Variants in GUCY2F observed in about 807,000 individuals in gnomAD.
GUCY2F encodes the protein retinal guanylyl cyclase 2.
Under a neutral mutation model 73.1 loss-of-function variants are expected in GUCY2F, and 61 were observed. The observed-to-expected ratio is 0.83, with a 90% CI of 0.68 to 1.03. The LOEUF (loss-of-function observed/expected upper bound fraction) is 1.03, where lower values mean the gene tolerates loss of function less well. GUCY2F is among the 50% of genes least tolerant of loss of function. The probability of loss-of-function intolerance (pLI) is 0.00; values close to 1 mark genes in which losing one functional copy is unlikely to be tolerated. For synonymous variants in GUCY2F, 331 were observed against 307.8 expected, an observed-to-expected ratio of 1.08 and a Z score of -0.79; for missense variants, 912 against 854.3, an observed-to-expected ratio of 1.07 and a Z score of -0.84.
intron 8 of GUCY2F, among the ~76,000 whole-genome samples, chrX:109,415,058 G>A (rs1290113089): frequency 9.1e-6 from 1 of 109,913 alleles, no homozygotes; most frequent in African/African-American, 3.3e-5. Flanking sequence ...CACCATTCCT[G>A]ATGCTACAGC....
intron 16 of GUCY2F, among the ~76,000 whole-genome samples, 155 bp from the exon 17 acceptor site, chrX:109,382,367 C>T (rs1030151229): frequency 1.2e-4 from 13 of 112,219 alleles, no homozygotes; most frequent in African/African-American, 4.2e-4. Flanking sequence ...GAGGAGGAGA[C>T]GGAGTGATGG....
chrX:109,403,713 C>T (rs183631208), intron 10 of GUCY2F, among the ~76,000 whole-genome samples: 80 of 112,282 alleles, frequency 7.1e-4, no homozygotes, highest in African/African-American at 2.5e-3. Context: ...CAAGGACCAC[C>T]CTGGTCTATG....
intron 7 of GUCY2F, among the ~76,000 whole-genome samples, chrX:109,435,810 C>T (rs1437846846): frequency 3.6e-5 from 4 of 111,357 alleles, no homozygotes; most frequent in African/African-American, 1.3e-4. Flanking sequence ...CCATCAATAC[C>T]TAATTTATGG....
intron 8 of GUCY2F, among the ~76,000 whole-genome samples, chrX:109,419,066 T>G (rs1383713133): frequency 1.8e-5 from 2 of 110,470 alleles, no homozygotes; most frequent in Non-Finnish European, 1.9e-5. Flanking sequence ...GAGCCCTATA[T>G]TTAGCAAAGA....
chrX:109,433,188 T>C (rs17254566), intron 7 of GUCY2F, among the ~76,000 whole-genome samples: 4,894 of 112,182 alleles, frequency 0.044, 121 homozygotes, highest in Middle Eastern at 0.078. Flanking sequence ...TGGTACCTGA[T>C]ACCTTCTTCC....
Position 109,382,230 on chromosome X carries a change from A to G in GUCY2F, c.3056-18T>C, listed in dbSNP as rs138470262. 4.1e-3 allele frequency: 4,150 copies of G among 1,005,978 alleles called. 32 individuals carry two copies. Among genetic ancestry groups the G allele is most frequent in the African/African-American group, 0.041 (2,199 of 53,520 alleles). The allele number at this position is 1,005,978 out of a possible 1,213,427, so 82.9% of individuals were successfully genotyped here. On this transcript the variant is annotated intron_variant, in intron 16 of 19. Transcript: ENST00000218006. Reference sequence around the variant, plus strand: ...GCGATAAGCTGCAAAAGAAGGAGAGACATGATTTGGGCTCCTTTCTCACTG... The same window carrying G: ...GCGATAAGCTGCAAAAGAAGGAGAGGCATGATTTGGGCTCCTTTCTCACTG...
intron 6 of GUCY2F, among the ~76,000 whole-genome samples, chrX:109,445,472 A>G (rs749917814): frequency 8.9e-6 from 1 of 112,323 alleles, no homozygotes; most frequent in Non-Finnish European, 1.9e-5. Context: ...ACTATTTAAT[A>G]AAAGTGTAAC....
Position 109,444,456 on chromosome X carries a change from A to T in GUCY2F, c.1570-2974T>A, listed in dbSNP as rs1036681564. 2.7e-5 allele frequency among the ~76,000 whole-genome samples: 3 copies of T among 111,979 alleles called. No individual in the cohort carries two copies. In the Admixed American group the frequency reaches 2.8e-4, roughly 11 times the overall value. On this transcript the variant is annotated intron_variant, in intron 6 of 19. Coordinates refer to ENST00000218006, the MANE Select transcript of GUCY2F (RefSeq NM_001522.3). ...GTTGTGTAGCAAGAGTAAACGGCAC[A>T]TGAAGACAACATAATGTATTTGTAT...
rs1231990162 is a variant in GUCY2F at position 109,408,885 on chromosome X, G to A, written c.1968+107C>T. The A allele has an allele frequency of 2.5e-5, 12 of 489,635 alleles. No individual in the cohort carries two copies. The Admixed American group carries it at 2.7e-4, about 11-fold the overall frequency. 40.4% of individuals were successfully genotyped at this position (489,635 alleles called of 1,213,427 possible). A position where few individuals can be genotyped will look rare whatever the true frequency, so the allele number is the denominator to read the frequency against. ...GCATGAAAATGGACTAATACAGAAAGTAAGGAGTGAAATGATCACAACAAT... is the reference window on the plus strand; with the variant it reads ...GCATGAAAATGGACTAATACAGAAAATAAGGAGTGAAATGATCACAACAAT... On this transcript the variant is annotated intron_variant, in intron 9 of 19. Transcript: ENST00000218006.
At chrX:109,379,985 C>T (rs895281027) in intron 17 of GUCY2F, among the ~76,000 whole-genome samples, 3 of 112,010 alleles carry the variant, frequency 2.7e-5, no homozygotes, top group African/African-American at 9.7e-5. Flanking sequence ...CCTATGTTCT[C>T]CTCTCTCACC....
rs1569368817 is a variant in GUCY2F at position 109,441,712 on chromosome X, C to T, written c.1570-230G>A. On this transcript the variant is annotated intron_variant, in intron 6 of 19. Transcript: ENST00000218006. Reference sequence around the variant, plus strand: ...AAAAATTATAAAGGTGCTTCCACCTCCTAGAGAGGATTAAAATACAGATGG... The same window carrying T: ...AAAAATTATAAAGGTGCTTCCACCTTCTAGAGAGGATTAAAATACAGATGG... 2.7e-5 allele frequency among the ~76,000 whole-genome samples: 3 copies of T among 109,655 alleles called. No homozygotes were observed. In the Admixed American group the frequency reaches 2.9e-4, roughly 11 times the overall value.
intron 5 of GUCY2F, among the ~76,000 whole-genome samples, chrX:109,449,455 T>A (rs937274841): frequency 3.6e-5 from 4 of 111,920 alleles, no homozygotes; most frequent in Admixed American, 9.5e-5. Flanking sequence ...ATATGTGTGG[T>A]GAATTGTCTT....
At chrX:109,465,616 C>T (rs540242876) in intron 2 of GUCY2F, among the ~76,000 whole-genome samples, 173 bp from the exon 3 acceptor site, 62 of 111,926 alleles carry the variant, frequency 5.5e-4, no homozygotes, top group South Asian at 3.7e-3. Flanking sequence ...CTCATGGACT[C>T]TGGATTGGGG....
At chrX:109,428,179 ATAGAT>A (rs1269057234) in intron 8 of GUCY2F, among the ~76,000 whole-genome samples, 1 of 112,279 alleles carries the variant, frequency 8.9e-6, no homozygotes, top group Non-Finnish European at 1.9e-5. Context: ...GGATATTTAC[ATAGAT>A]TAAAGTATCT....
chrX:109,375,898 C>G lies in GUCY2F; in HGVS notation c.*1G>C. On this transcript the variant is annotated splice_region_variant and 3_prime_UTR_variant, in exon 19 of 20. Coordinates refer to ENST00000218006, the MANE Select transcript of GUCY2F (RefSeq NM_001522.3). ...GCTCTGTTTTCCTCCTGGCCATTAC[C>G]TTATGGCTTGTTTCTCACCAACTGC... The G allele has an allele frequency of 1.7e-6, 2 of 1,197,848 alleles. No homozygotes were observed.
intron 19 of GUCY2F, among the ~76,000 whole-genome samples, chrX:109,374,323 G>A (rs1479086030): frequency 9.0e-6 from 1 of 111,464 alleles, no homozygotes; most frequent in African/African-American, 3.3e-5. Flanking sequence ...GACCAGGGAT[G>A]GATTTCCTCT....
intron 10 of GUCY2F, among the ~76,000 whole-genome samples, chrX:109,403,157 A>G (rs1395739259): frequency 9.0e-6 from 1 of 110,513 alleles, no homozygotes; most frequent in Non-Finnish European, 1.9e-5. Context: ...TACGTATTTC[A>G]TCATATTTGT....
intron 5 of GUCY2F, 21 bp downstream of exon 5, chrX:109,452,002 C>A (rs1163939604): frequency 1.3e-6 from 1 of 791,644 alleles, no homozygotes; most frequent in African/African-American, 2.0e-5. Flanking sequence ...TTTTTATATA[C>A]AAAAATAACA....
chrX:109,432,501 C>T (rs182237678), intron 7 of GUCY2F, among the ~76,000 whole-genome samples: 1 of 112,263 alleles, frequency 8.9e-6, no homozygotes, highest in East Asian at 2.8e-4. Flanking sequence ...AAAAGCCTTC[C>T]CGGCACCTTT....
Sources: allele counts gnomAD v4.1 joint callset (sites outside exome capture counted in the v4.1 genomes callset), GRCh38; gene constraint gnomAD v4.1.1; transcripts MANE v1.5; gene names NCBI Gene and HGNC (gene_info 2026-07-23, HGNC 2026-07-21).